UGT1A8: variants seen among roughly 807,000 people sequenced by gnomAD.
The protein encoded by UGT1A8 is UDP-glucuronosyltransferase 1A8.
Under a neutral mutation model 45.3 loss-of-function variants are expected in UGT1A8, and 39 were observed. The observed-to-expected ratio is 0.86, with a 90% CI of 0.67 to 1.12. The LOEUF is 1.12. Ranked by LOEUF, UGT1A8 falls within the 50% of genes most tolerant of loss-of-function variation. UGT1A8 has a pLI of 0.00. For missense variants in UGT1A8, 719 were observed against 664.9 expected (o/e 1.08, Z -0.90); for synonymous variants, 275 against 249.2 (o/e 1.10, Z -0.97).
At chr2:233,732,525 T>G (rs775649964) in intron 1 of UGT1A8, among the ~76,000 whole-genome samples, 3 of 152,226 alleles carry the variant, frequency 2.0e-5, no homozygotes, top group Non-Finnish European at 4.4e-5. Context: ...GCTTTCTACA[T>G]ATGGCCAGTT....
At chr2:233,641,690 G>A (rs1396945904) in intron 1 of UGT1A8, among the ~76,000 whole-genome samples, 2 of 152,078 alleles carry the variant, frequency 1.3e-5, no homozygotes, top group African/African-American at 2.4e-5. Flanking sequence ...TTGTAGGATC[G>A]GTCTGGAATT....
intron 1 of UGT1A8, chr2:233,637,245 A>C (rs781703246): frequency 5.6e-6 from 9 of 1,613,962 alleles, no homozygotes; most frequent in Non-Finnish European, 7.6e-6. Flanking sequence ...CTGTCACGGC[A>C]TATGATCTCT....
intron 1 of UGT1A8, among the ~76,000 whole-genome samples, chr2:233,727,107 A>G (rs879349742): frequency 4.6e-5 from 7 of 152,176 alleles, no homozygotes; most frequent in Non-Finnish European, 7.3e-5. Flanking sequence ...TTGTGTGTTT[A>G]GGTCTGTGAG....
intron 1 of UGT1A8, among the ~76,000 whole-genome samples, chr2:233,759,189 C>T (rs938228585): frequency 2.0e-5 from 3 of 152,184 alleles, no homozygotes; most frequent in African/African-American, 7.2e-5. Flanking sequence ...CAAAAAGTTC[C>T]TTCCCAGGTT....
chr2:233,625,399 G>C (rs2073071452), intron 1 of UGT1A8, among the ~76,000 whole-genome samples: 2 of 151,938 alleles, frequency 1.3e-5, no homozygotes, highest in African/African-American at 4.8e-5. Flanking sequence ...TGACAAAGAA[G>C]TTAAAACAGA....
chr2:233,758,064 T>C (rs941779241), intron 1 of UGT1A8, among the ~76,000 whole-genome samples: 1 of 152,184 alleles, frequency 6.6e-6, no homozygotes, highest in African/African-American at 2.4e-5. Context: ...CTAACTTGAC[T>C]TTCTGGGCCT....
intron 1 of UGT1A8, among the ~76,000 whole-genome samples, chr2:233,679,519 T>A (rs2074454674): frequency 6.6e-6 from 1 of 152,216 alleles, no homozygotes; most frequent in African/African-American, 2.4e-5. Context: ...GTTTTCTTCC[T>A]TGCCAATAAA....
intron 1 of UGT1A8, among the ~76,000 whole-genome samples, chr2:233,658,854 T>C (rs372055469): frequency 1.2e-4 from 19 of 152,232 alleles, no homozygotes; most frequent in African/African-American, 3.9e-4. Flanking sequence ...GTGATAATTA[T>C]AGCTTTGTAA....
At chr2:233,701,743 T>C (rs1291418937) in intron 1 of UGT1A8, among the ~76,000 whole-genome samples, 3 of 152,190 alleles carry the variant, frequency 2.0e-5, no homozygotes, top group Non-Finnish European at 2.9e-5. Flanking sequence ...CCTGAATAAC[T>C]ACTGGGTACA....
chr2:233,680,276 C>T (rs998982659), intron 1 of UGT1A8, among the ~76,000 whole-genome samples: 1 of 152,044 alleles, frequency 6.6e-6, no homozygotes, highest in Non-Finnish European at 1.5e-5. Context: ...ACAGTAGAAC[C>T]ATAAGAGATC....
At chr2:233,650,447 C>T (rs2073711083) in intron 1 of UGT1A8, among the ~76,000 whole-genome samples, 1 of 152,214 alleles carries the variant, frequency 6.6e-6, no homozygotes, top group Non-Finnish European at 1.5e-5. Flanking sequence ...ATTGTTTCTG[C>T]TGTTAATTGT....
chr2:233,681,904 A>C, intron 1 of UGT1A8: 1 of 1,596,134 alleles, frequency 6.3e-7, no homozygotes, highest in Non-Finnish European at 8.5e-7. Context: ...GGAGCTTAGA[A>C]TCCCAGCTGC....
At chr2:233,693,769 A>C (rs1451230147) in intron 1 of UGT1A8, 3 of 1,614,160 alleles carry the variant, frequency 1.9e-6, no homozygotes, top group Non-Finnish European at 1.7e-6. Context: ...TTTGGCTGTT[A>C]AGATATGACT....
intron 1 of UGT1A8, among the ~76,000 whole-genome samples, chr2:233,744,984 T>A (rs1359972608): frequency 1.3e-5 from 2 of 151,892 alleles, no homozygotes; most frequent in Non-Finnish European, 2.9e-5. Flanking sequence ...CCTCTAGTCA[T>A]CTCTTGATTA....
chr2:233,707,208 A>G (rs2075948847), intron 1 of UGT1A8, among the ~76,000 whole-genome samples: 1 of 151,654 alleles, frequency 6.6e-6, no homozygotes, highest in Non-Finnish European at 1.5e-5. Context: ...TTCCCTTTCC[A>G]TCTTTTCTCT....
chr2:233,707,287 A>G (rs1559355185), intron 1 of UGT1A8, among the ~76,000 whole-genome samples: 1 of 152,088 alleles, frequency 6.6e-6, no homozygotes, highest in Non-Finnish European at 1.5e-5. Context: ...CAGGGCACAC[A>G]TGCAGGATGT....
intron 1 of UGT1A8, among the ~76,000 whole-genome samples, chr2:233,653,983 C>T (rs1386483499): frequency 6.6e-6 from 1 of 152,204 alleles, no homozygotes; most frequent in Non-Finnish European, 1.5e-5. Context: ...ACGTACATGC[C>T]TAATGCTTAC....
chr2:233,740,556 T>G (rs1691418967), intron 1 of UGT1A8: 1 of 151,834 alleles, frequency 6.6e-6, no homozygotes, highest in African/African-American at 2.4e-5. Flanking sequence ...AGAAAAAATG[T>G]CCGGCATTTT....
intron 1 of UGT1A8, chr2:233,748,062 A>T: frequency 6.2e-7 from 1 of 1,613,436 alleles, no homozygotes; most frequent in South Asian, 1.1e-5. Context: ...CTGTGCCAAC[A>T]GGAAGCCACT....
Sources: gnomAD v4.1 joint callset for allele counts (sites outside exome capture counted in the v4.1 genomes callset) on GRCh38, gnomAD v4.1.1 for gene constraint, MANE v1.5 for transcripts, NCBI Gene and HGNC (gene_info 2026-07-23, HGNC 2026-07-21) for gene names.